The following DPPA2 variants were observed in gnomAD, a reference collection of about 807,000 sequenced individuals.
DPPA2 encodes developmental pluripotency-associated protein 2.
A neutral mutation model predicts 36.2 loss-of-function variants in DPPA2; 26 were observed. The observed-to-expected ratio is 0.72, with a 90% confidence interval of 0.53 to 1.00. DPPA2 has a LOEUF of 1.00. Ranked by LOEUF, DPPA2 falls within the 50% of genes least tolerant of loss-of-function variation. The probability of loss-of-function intolerance (pLI) is 0.00; values close to 1 mark genes in which losing one functional copy is unlikely to be tolerated. For missense variants in DPPA2, 361 were observed against 365.1 expected (o/e 0.99, Z 0.09); for synonymous variants, 113 against 123.2 (o/e 0.92, Z 0.55).
intron 8 of DPPA2, among the ~76,000 whole-genome samples, chr3:109,299,870 CTT>C (rs1033284650): frequency 6.6e-6 from 1 of 151,278 alleles, no homozygotes; most frequent in African/African-American, 2.4e-5. Flanking sequence ...ATCCTCCTGA[CTT>C]AGCCTTCCCG....
chr3:109,310,810 G>C (rs58629339), intron 3 of DPPA2, among the ~76,000 whole-genome samples: 49,243 of 150,952 alleles, frequency 0.33, 8,467 homozygotes, highest in East Asian at 0.55. Flanking sequence ...AGCTTGCTTT[G>C]TTTTGTTTTG....
At chr3:109,306,015 T>A (rs867732194) in intron 6 of DPPA2, among the ~76,000 whole-genome samples, 2 of 151,928 alleles carry the variant, frequency 1.3e-5, no homozygotes, top group Admixed American at 6.6e-5. Flanking sequence ...TGCAAGAAAA[T>A]AAGTGGTACA....
At chr3:109,302,328 A>T (rs4855719) in intron 7 of DPPA2, among the ~76,000 whole-genome samples, 144,004 of 152,324 alleles carry the variant, frequency 0.95, 68,473 homozygotes, top group East Asian at 1. Context: ...TCTTGCTCTC[A>T]TTACTCCTAC....
intron 8 of DPPA2, among the ~76,000 whole-genome samples, chr3:109,296,510 A>G (rs1576813958): frequency 6.6e-6 from 1 of 152,178 alleles, no homozygotes. Context: ...CACTGTCTCT[A>G]CTAAAAATAC....
chr3:109,310,382 TG>T (rs1707681174), intron 3 of DPPA2, among the ~76,000 whole-genome samples: 1 of 105,148 alleles, frequency 9.5e-6, no homozygotes, highest in Non-Finnish European at 1.7e-5. Context: ...CACTCCAGCC[TG>T]GGCAATACAG....
chr3:109,314,804 T>C (rs941030524), intron 1 of DPPA2, among the ~76,000 whole-genome samples: 2 of 152,216 alleles, frequency 1.3e-5, no homozygotes, highest in Non-Finnish European at 2.9e-5. Context: ...GGCTCATGCC[T>C]GTAATCCCAG....
At chr3:109,306,937 G>C (rs1707577364) in intron 6 of DPPA2, among the ~76,000 whole-genome samples, 1 of 151,690 alleles carries the variant, frequency 6.6e-6, no homozygotes, top group Non-Finnish European at 1.5e-5. Context: ...CTCTCAAAGT[G>C]CTGGGATTAA....
rs766885920 is a variant in DPPA2, at chr3:109,305,861, G to A, written c.659-1191C>T. 1.9e-3 allele frequency among the ~76,000 whole-genome samples: 290 copies of A among 151,354 alleles called. 1 individual carries two copies. The highest frequency in any genetic ancestry group is 3.4e-3 in the Non-Finnish European group (231 of 67,938). On this transcript the variant is annotated intron_variant, in intron 6 of 8. Coordinates refer to ENST00000478945, the MANE Select transcript of DPPA2 (RefSeq NM_138815.4). The stretch of plus-strand genomic sequence containing the variant: ...AAAACAAGCAGTACTCTTATGGAAC[G>A]TCTGAAATTGAGAGAAAGTCAGTAT...
intron 8 of DPPA2, among the ~76,000 whole-genome samples, chr3:109,295,009 G>A (rs977920042): frequency 4.6e-5 from 7 of 151,994 alleles, no homozygotes; most frequent in Non-Finnish European, 8.8e-5. Flanking sequence ...CAACAAGAGC[G>A]AAACTCCATC....
chr3:109,300,828 A>G (rs2107305085), intron 7 of DPPA2, among the ~76,000 whole-genome samples: 1 of 151,604 alleles, frequency 6.6e-6, no homozygotes, highest in East Asian at 1.9e-4. Context: ...TCTCAAAAAA[A>G]AAAAAAAAAA....
At chr3:109,312,197 G>T (rs900225126) in intron 3 of DPPA2, among the ~76,000 whole-genome samples, 1 of 152,124 alleles carries the variant, frequency 6.6e-6, no homozygotes, top group East Asian at 1.9e-4. Context: ...AGCCAGGCTT[G>T]GTGGCCCATG....
Position 109,298,138 on chromosome 3 carries a change from G to C in DPPA2, c.*22+2233C>G, listed in dbSNP as rs34097557. ...TTCCAGTGTATGGGCTTGCGGGGAG[G>C]GATGAATTGGTGCAACACAAGGGAT... On this transcript the variant is annotated intron_variant, in intron 8 of 8. Coordinates refer to ENST00000478945, the MANE Select transcript of DPPA2 (RefSeq NM_138815.4). Among the ~76,000 whole-genome samples, 9 of 152,068 alleles carry C rather than the reference G, an allele frequency of 5.9e-5. No homozygotes were observed. In the East Asian group the frequency reaches 1.7e-3, roughly 29 times the overall value.
chr3:109,300,230 G>A, intron 8 of DPPA2, 141 bp downstream of exon 8: 1 of 669,506 alleles, frequency 1.5e-6, no homozygotes, highest in Non-Finnish European at 2.6e-6. Context: ...GTAGACAGCA[G>A]ACAAGAGACT....
intron 3 of DPPA2, among the ~76,000 whole-genome samples, chr3:109,311,414 A>G (rs564821691): frequency 6.6e-6 from 1 of 152,200 alleles, no homozygotes; most frequent in South Asian, 2.1e-4. Context: ...TGAAATCCTC[A>G]TTATTGGCCT....
chr3:109,295,200 T>C (rs1227843666), intron 8 of DPPA2: 3 of 151,924 alleles, frequency 2.0e-5, no homozygotes. Flanking sequence ...CTATTTGGTA[T>C]TTGTATAATT....
chr3:109,304,556 A>T lies in DPPA2; in HGVS notation c.773T>A (p.Ile258Asn). 1 of 1,614,090 alleles carries T rather than the reference A, an allele frequency of 6.2e-7. No individual in the cohort carries two copies. The highest frequency in any genetic ancestry group is 8.5e-7 in the Non-Finnish European group (1 of 1,180,032). The stretch of plus-strand genomic sequence containing the variant: ...GCAGGCAGGTAACAAGAAGAGAGAA[A>T]TCATCCTCCTGTGAGTGGTAGGCAC... ...AWVPTTHRRM[I>N]SLFLLPACIF... Residue 258 changes from isoleucine to asparagine, a missense_variant, in exon 7 of 9, where the codon ATT becomes AAT. Coordinates refer to ENST00000478945, the MANE Select transcript of DPPA2 (RefSeq NM_138815.4).
intron 2 of DPPA2, among the ~76,000 whole-genome samples, chr3:109,314,034 G>C (rs1707751156): frequency 6.6e-6 from 1 of 151,990 alleles, no homozygotes; most frequent in Non-Finnish European, 1.5e-5. Context: ...AGGCCACTGG[G>C]AGTAGATATT....
rs774728963 is a variant in DPPA2 at position 109,309,095 on chromosome 3, G to A, written c.343-16C>T. The A allele has an allele frequency of 6.2e-7, 1 of 1,614,168 alleles. No individual in the cohort carries two copies. The highest frequency in any genetic ancestry group is 1.3e-5 in the African/African-American group (1 of 75,056). On this transcript the variant is annotated splice_polypyrimidine_tract_variant and intron_variant, in intron 4 of 8. Transcript: ENST00000478945. ...CTTCGATTTTCTTAGGAAATGAAGAGAGAGATTAAGTTAAAAGTTGACAAA... is the reference window on the plus strand; with the variant it reads ...CTTCGATTTTCTTAGGAAATGAAGAAAGAGATTAAGTTAAAAGTTGACAAA...
chr3:109,306,894 A>G (rs781316106), intron 6 of DPPA2, among the ~76,000 whole-genome samples: 3 of 151,538 alleles, frequency 2.0e-5, no homozygotes, highest in African/African-American at 4.8e-5. Context: ...AATTGCTTGA[A>G]CCTGTGACCT....
Sources: gnomAD v4.1 joint callset for allele counts (sites outside exome capture counted in the v4.1 genomes callset) on GRCh38, gnomAD v4.1.1 for gene constraint, MANE v1.5 for transcripts, NCBI Gene and HGNC (gene_info 2026-07-23, HGNC 2026-07-21) for gene names.